SDC2: variants seen among roughly 807,000 people sequenced by gnomAD.
SDC2 encodes syndecan 2, also known as syndecan-2.
A neutral mutation model predicts 22.2 loss-of-function variants in SDC2; 13 were observed. That is an observed-to-expected ratio of 0.59 (90% CI 0.38 to 0.93). SDC2 has a LOEUF of 0.93. SDC2 is among the 40% of genes least tolerant of loss of function. The probability of loss-of-function intolerance (pLI) is 0.00; values close to 1 mark genes in which losing one functional copy is unlikely to be tolerated. For missense variants in SDC2, 235 were observed against 246.8 expected (o/e 0.95, Z 0.32); for synonymous variants, 94 against 92.8 (o/e 1.01, Z -0.07).
At chr8:96,519,580 A>G (rs1294151148) in intron 1 of SDC2, among the ~76,000 whole-genome samples, 2 of 151,962 alleles carry the variant, frequency 1.3e-5, no homozygotes, top group East Asian at 3.9e-4. Context: ...TCTAGGGGGG[A>G]AAAATCCTAA....
chr8:96,525,179 C>T (rs1165157774), intron 1 of SDC2, among the ~76,000 whole-genome samples: 1 of 152,174 alleles, frequency 6.6e-6, no homozygotes, highest in Non-Finnish European at 1.5e-5. Context: ...GCTGTCCGTT[C>T]CCACTCTGTG....
At chr8:96,535,544 G>A (rs952242986) in intron 1 of SDC2, among the ~76,000 whole-genome samples, 10 of 152,150 alleles carry the variant, frequency 6.6e-5, no homozygotes, top group Non-Finnish European at 1.5e-4. Flanking sequence ...CTGTTTTGAC[G>A]AACTTAAAGA....
At chr8:96,575,101 G>T (rs888639530) in intron 1 of SDC2, among the ~76,000 whole-genome samples, 2 of 152,166 alleles carry the variant, frequency 1.3e-5, no homozygotes, top group Admixed American at 1.3e-4. Flanking sequence ...GTGCAGCCTG[G>T]TTCCTAACAG....
At chr8:96,555,436 C>A (rs1163764440) in intron 1 of SDC2, among the ~76,000 whole-genome samples, 2 of 152,142 alleles carry the variant, frequency 1.3e-5, no homozygotes. Flanking sequence ...ATGTGAAGCG[C>A]TGTATCTCTG....
At chr8:96,575,721 ATATC>A (rs1386781864) in intron 1 of SDC2, among the ~76,000 whole-genome samples, 1 of 152,130 alleles carries the variant, frequency 6.6e-6, no homozygotes. Flanking sequence ...CCTGGGGGTA[ATATC>A]TAAGCCATTC....
intron 1 of SDC2, chr8:96,580,327 CAGGA>C (rs773314905): frequency 5.3e-6 from 5 of 943,598 alleles, no homozygotes; most frequent in Non-Finnish European, 5.1e-6. Flanking sequence ...GGTTAAGCAG[CAGGA>C]AGGGAGAGTC....
intron 1 of SDC2, among the ~76,000 whole-genome samples, chr8:96,544,519 C>T (rs1813902013): frequency 6.6e-6 from 1 of 152,156 alleles, no homozygotes. Flanking sequence ...AGCGATCGCT[C>T]TTTTCTCTCT....
At chr8:96,590,486 G>A (rs1222630650) in intron 1 of SDC2, among the ~76,000 whole-genome samples, 1 of 152,132 alleles carries the variant, frequency 6.6e-6, no homozygotes, top group Non-Finnish European at 1.5e-5. Context: ...CCCTTTTCAT[G>A]GCCTTGAGGA....
chr8:96,504,194 A>C (rs554127797), intron 1 of SDC2, among the ~76,000 whole-genome samples: 2 of 152,370 alleles, frequency 1.3e-5, no homozygotes, highest in South Asian at 2.1e-4. Context: ...TGGCTAGTAC[A>C]TCTGTGCTTC....
chr8:96,533,671 A>G (rs553963604), intron 1 of SDC2, among the ~76,000 whole-genome samples: 51 of 152,292 alleles, frequency 3.3e-4, no homozygotes, highest in African/African-American at 1.2e-3. Flanking sequence ...TGATTGGGGC[A>G]TTTACAAACC....
rs766898931 is a variant in SDC2, at chr8:96,602,519, TCAGA to T, written c.300_303del (p.Thr101SerfsTer45). The T allele has an allele frequency of 6.2e-7, 1 of 1,614,110 alleles. No individual in the cohort carries two copies. Among genetic ancestry groups the T allele is most frequent in the Non-Finnish European group, 8.5e-7 (1 of 1,179,978 alleles). ...TGAATATACAGAACAAGATACCTGC[TCAGA>T]CAAAGGTGCGTTCTATTTTCCATTG... is the stretch of plus-strand genomic sequence containing the variant. On this transcript the variant is annotated frameshift_variant, in exon 3 of 5. Transcript: ENST00000302190. LOFTEE classifies it high-confidence loss of function.
chr8:96,583,717 G>GTGTGTATATATA (rs1305001793), intron 1 of SDC2, among the ~76,000 whole-genome samples: 1 of 116,642 alleles, frequency 8.6e-6, no homozygotes, highest in African/African-American at 2.7e-5. Flanking sequence ...GTGTGTGTGT[G>GTGTGTATATATA]TATATATATA....
intron 1 of SDC2, among the ~76,000 whole-genome samples, chr8:96,552,118 C>A (rs1414632764): frequency 6.6e-6 from 1 of 152,224 alleles, no homozygotes; most frequent in African/African-American, 2.4e-5. Flanking sequence ...TGATGTTGCT[C>A]TTTTCTCACG....
rs145142407 is a variant in SDC2 at position 96,543,947 on chromosome 8, G to A, written c.61-49533G>A. Among the ~76,000 whole-genome samples the A allele has an allele frequency of 9.2e-4, 140 of 152,218 alleles. 1 individual carries two copies. The highest frequency in any genetic ancestry group is 6.8e-3 in the Middle Eastern group (2 of 294). ...ATTGGATCAGCAAACAATTTTACAG[G>A]ATGCAGAAATTATCGATTGTATTCT... On this transcript the variant is annotated intron_variant, in intron 1 of 4. Coordinates refer to ENST00000302190, the MANE Select transcript of SDC2 (RefSeq NM_002998.4).
intron 1 of SDC2, among the ~76,000 whole-genome samples, chr8:96,592,810 A>G (rs898707624): frequency 1.3e-5 from 2 of 152,260 alleles, no homozygotes; most frequent in African/African-American, 2.4e-5. Context: ...TGCTAAGCCA[A>G]TGAGCCCTAG....
At chr8:96,557,724 A>G (rs1392262701) in intron 1 of SDC2, among the ~76,000 whole-genome samples, 2 of 152,102 alleles carry the variant, frequency 1.3e-5, no homozygotes, top group African/African-American at 4.8e-5. Flanking sequence ...ATGTATACAT[A>G]TGTAACTAAC....
chr8:96,513,026 T>C lies in SDC2; in HGVS notation c.60+18695T>C, dbSNP rs1813351758. Among the ~76,000 whole-genome samples, 4 of 152,212 alleles carry C rather than the reference T, an allele frequency of 2.6e-5. No homozygotes were observed. In the South Asian group the frequency reaches 8.3e-4, roughly 31 times the overall value. On this transcript the variant is annotated intron_variant, in intron 1 of 4. Transcript: ENST00000302190. ...TTATACTTAGTACTTTTTTATACTTTATTCATTACACAAAGGATTTGAGGT... is the reference window on the plus strand; with the variant it reads ...TTATACTTAGTACTTTTTTATACTTCATTCATTACACAAAGGATTTGAGGT...
intron 1 of SDC2, among the ~76,000 whole-genome samples, chr8:96,529,912 C>A (rs1005693091): frequency 6.6e-6 from 1 of 152,088 alleles, no homozygotes; most frequent in African/African-American, 2.4e-5. Flanking sequence ...CCATCTAGTT[C>A]CTCAGGCATT....
chr8:96,535,615 G>A lies in SDC2; in HGVS notation c.60+41284G>A, dbSNP rs568511757. On this transcript the variant is annotated intron_variant, in intron 1 of 4. Transcript: ENST00000302190. ...CGAAGAGGAATTCCTGTGATTTTAG[G>A]GGTAGAGATATATATCGACTTCGAT... Among the ~76,000 whole-genome samples the A allele has an allele frequency of 8.5e-5, 13 of 152,310 alleles. No homozygotes were observed. In the East Asian group the frequency reaches 2.5e-3, roughly 29 times the overall value.
Sources: gnomAD v4.1 joint callset for allele counts (sites outside exome capture counted in the v4.1 genomes callset) on GRCh38, gnomAD v4.1.1 for gene constraint, MANE v1.5 for transcripts, NCBI Gene and HGNC (gene_info 2026-07-23, HGNC 2026-07-21) for gene names.